Variants in GRM8 observed in about 807,000 individuals in gnomAD.
GRM8 encodes the protein metabotropic glutamate receptor 8.
A neutral mutation model predicts 87.2 loss-of-function variants in GRM8; 47 were observed. The observed-to-expected ratio is 0.54, with a 90% CI of 0.43 to 0.69. GRM8 has a LOEUF of 0.69. Among genes scored for constraint, GRM8 ranks in the 30% least tolerant of loss-of-function variants. The pLI is 0.00. For synonymous variants in GRM8, 396 were observed against 404.5 expected (o/e 0.98, Z 0.25); for missense variants, 1,019 against 1,139.2 (o/e 0.89, Z 1.52).
At chr7:126,535,551 G>C (rs1250796063) in intron 8 of GRM8, among the ~76,000 whole-genome samples, 1 of 152,186 alleles carries the variant, frequency 6.6e-6, no homozygotes, top group Non-Finnish European at 1.5e-5. Context: ...CTGCAATTGT[G>C]TTTATACCTA....
chr7:126,569,870 A>G (rs141038764), intron 8 of GRM8, among the ~76,000 whole-genome samples: 16 of 152,320 alleles, frequency 1.1e-4, no homozygotes, highest in Non-Finnish European at 2.2e-4. Flanking sequence ...CATCTAAACA[A>G]TATCATTCTT....
intron 8 of GRM8, among the ~76,000 whole-genome samples, chr7:126,569,309 A>G (rs1348536327): frequency 2.0e-5 from 3 of 152,220 alleles, no homozygotes; most frequent in African/African-American, 7.2e-5. Flanking sequence ...AGCTGGCAAA[A>G]GTGCCACATA....
chr7:126,662,648 G>C (rs538225521), intron 7 of GRM8, among the ~76,000 whole-genome samples: 1 of 152,178 alleles, frequency 6.6e-6, no homozygotes, highest in African/African-American at 2.4e-5. Context: ...AGAGGAGAAT[G>C]TTCCTAAACT....
chr7:126,576,840 T>A (rs1795156880), intron 8 of GRM8, among the ~76,000 whole-genome samples: 2 of 152,218 alleles, frequency 1.3e-5, no homozygotes, highest in Non-Finnish European at 2.9e-5. Flanking sequence ...TATCAAAGTC[T>A]AATTATAAAC....
intron 6 of GRM8, among the ~76,000 whole-genome samples, chr7:126,821,182 C>A (rs1241405181): frequency 6.6e-6 from 1 of 152,210 alleles, no homozygotes; most frequent in Non-Finnish European, 1.5e-5. Flanking sequence ...ACCACAGATG[C>A]AATGTCAATA....
intron 3 of GRM8, among the ~76,000 whole-genome samples, chr7:127,086,359 A>G (rs965957436): frequency 1.1e-4 from 16 of 152,142 alleles, no homozygotes; most frequent in Non-Finnish European, 2.2e-4. Flanking sequence ...CTCGGCCTCC[A>G]AAAGTGCTGA....
intron 9 of GRM8, among the ~76,000 whole-genome samples, chr7:126,482,973 G>A (rs1806879160): frequency 6.6e-6 from 1 of 150,954 alleles, no homozygotes; most frequent in Admixed American, 6.6e-5. Context: ...TTTTTTGACA[G>A]GGTACCCACA....
At chr7:127,045,586 A>G (rs1818851961) in intron 3 of GRM8, among the ~76,000 whole-genome samples, 1 of 152,064 alleles carries the variant, frequency 6.6e-6, no homozygotes, top group South Asian at 2.1e-4. Context: ...TCTTCAATTT[A>G]TTTTTTTAAA....
chr7:126,960,384 G>T (rs1467653452), intron 3 of GRM8, among the ~76,000 whole-genome samples: 1 of 152,154 alleles, frequency 6.6e-6, no homozygotes, highest in Non-Finnish European at 1.5e-5. Context: ...CTTGGGTTTT[G>T]AAACTATGCA....
At chr7:126,586,330 C>T (rs1168128783) in intron 8 of GRM8, among the ~76,000 whole-genome samples, 1 of 152,148 alleles carries the variant, frequency 6.6e-6, no homozygotes, top group African/African-American at 2.4e-5. Context: ...GGAAAAAATA[C>T]TTTAAAGTTC....
chr7:127,128,205 T>C lies in GRM8; in HGVS notation c.511-21493A>G, dbSNP rs184112318. Among the ~76,000 whole-genome samples the C allele has an allele frequency of 5.3e-5, 8 of 152,264 alleles. No individual in the cohort carries two copies. In the East Asian group the frequency reaches 1.5e-3, roughly 29 times the overall value. ...TCTGGGTTTGAATCTTAAGAAGTGG[T>C]TTCCAAAGCTGAGTATCAGAATTAC... On this transcript the variant is annotated intron_variant, in intron 2 of 10. Coordinates refer to ENST00000339582, the MANE Select transcript of GRM8 (RefSeq NM_000845.3).
intron 2 of GRM8, among the ~76,000 whole-genome samples, chr7:127,211,597 C>T (rs17867794): frequency 0.15 from 22,945 of 152,204 alleles, 2,185 homozygotes; most frequent in Middle Eastern, 0.2. Context: ...CAGAACTTAA[C>T]CCCCAGGGTG....
intron 6 of GRM8, chr7:126,869,960 AAG>A (rs1554517462): frequency 1.5e-4 from 22 of 150,164 alleles, no homozygotes; most frequent in African/African-American, 5.1e-4. Context: ...AAAAAAAAAA[AAG>A]TCCTAGATGG....
At chr7:126,554,284 A>C (rs1026723620) in intron 8 of GRM8, among the ~76,000 whole-genome samples, 12 of 152,002 alleles carry the variant, frequency 7.9e-5, no homozygotes, top group African/African-American at 2.9e-4. Flanking sequence ...ATCAAGCAAA[A>C]GGGTAATAAG....
chr7:126,996,765 C>T (rs1270053404), intron 3 of GRM8, among the ~76,000 whole-genome samples: 1 of 151,698 alleles, frequency 6.6e-6, no homozygotes, highest in Non-Finnish European at 1.5e-5. Context: ...AGATATGTAC[C>T]CAACACTTGA....
chr7:126,471,778 G>A (rs1434854888), intron 9 of GRM8, among the ~76,000 whole-genome samples: 2 of 151,708 alleles, frequency 1.3e-5, no homozygotes, highest in Non-Finnish European at 2.9e-5. Context: ...AAATTACCTT[G>A]GGCAGTATGG....
At chr7:126,747,835 C>T (rs969218638) in intron 7 of GRM8, among the ~76,000 whole-genome samples, 50 of 151,870 alleles carry the variant, frequency 3.3e-4, no homozygotes, top group African/African-American at 1.2e-3. Flanking sequence ...TTCTCCATCG[C>T]CTCCTTGCTT....
chr7:127,188,709 C>A (rs1442115628), intron 2 of GRM8, among the ~76,000 whole-genome samples: 1 of 152,208 alleles, frequency 6.6e-6, no homozygotes. Context: ...TAGTGCTTAT[C>A]AAATAGCAAG....
chr7:126,931,164 T>C (rs1262549230), intron 3 of GRM8, among the ~76,000 whole-genome samples: 3 of 152,130 alleles, frequency 2.0e-5, no homozygotes, highest in Middle Eastern at 3.2e-3. Context: ...TAATGGGAAA[T>C]AAAGATTTTC....
Sources: allele counts gnomAD v4.1 joint callset (sites outside exome capture counted in the v4.1 genomes callset), GRCh38; gene constraint gnomAD v4.1.1; transcripts MANE v1.5; gene names NCBI Gene and HGNC (gene_info 2026-07-23, HGNC 2026-07-21).